The following BLNK variants were observed in gnomAD, a reference collection of about 807,000 sequenced individuals.
BLNK encodes B cell linker, also known as B-cell linker protein.
A neutral mutation model predicts 73.5 loss-of-function variants in BLNK; 29 were observed. The observed-to-expected ratio is 0.39, with a 90% CI of 0.29 to 0.54. BLNK has a LOEUF of 0.54. Among genes scored for constraint, BLNK ranks in the 20% least tolerant of loss-of-function variants. The pLI, the probability that BLNK is intolerant of heterozygous loss-of-function variation, is 0.61. For synonymous variants in BLNK, 176 were observed against 200.8 expected, an observed-to-expected ratio of 0.88 and a Z score of 1.04; for missense variants, 460 against 562.8, an observed-to-expected ratio of 0.82 and a Z score of 1.85.
Position 96,195,353 on chromosome 10 carries a change from T to G in BLNK, c.1251+1555A>C, listed in dbSNP as rs76184603. On this transcript the variant is annotated intron_variant, in intron 16 of 16. Coordinates refer to ENST00000224337, the MANE Select transcript of BLNK (RefSeq NM_013314.4). ...TTGAAAGCAGTGTCCTGGAGAGATT[T>G]GCACACCCGTGTTTATAGCAGCACT... is the stretch of plus-strand genomic sequence containing the variant. Among the ~76,000 whole-genome samples, 7 of 152,324 alleles carry G rather than the reference T, an allele frequency of 4.6e-5. No homozygotes were observed. In the East Asian group the frequency reaches 1.3e-3, roughly 29 times the overall value.
At chr10:96,233,976 G>C (rs1487994877) in intron 3 of BLNK, among the ~76,000 whole-genome samples, 4 of 152,202 alleles carry the variant, frequency 2.6e-5, no homozygotes, top group Non-Finnish European at 5.9e-5. Flanking sequence ...TGTTATAAAA[G>C]TGTATTCTTA....
At position 96,223,852 on chromosome 10, in the gene BLNK, T is replaced by G. The variant is rs1554901766; in HGVS notation, c.499A>C (p.Lys167Gln). Reference protein sequence around the residue: ...TALQKPQVPPKPKGLLEDEAD... With the variant: ...TALQKPQVPPQPKGLLEDEAD... Reference sequence around the variant, plus strand: ...TCATCCTCAAGGAGGCCTTTGGGTTTGGGTGGGACTTGAGGTTTCTGCAAA... The same window carrying G: ...TCATCCTCAAGGAGGCCTTTGGGTTGGGGTGGGACTTGAGGTTTCTGCAAA... The change falls in exon 6 of 17, where the codon AAA (lysine) becomes CAA (glutamine). Residue 167 changes from lysine to glutamine, a missense_variant. Physicochemically the swap from Lys to Gln is moderately conservative, Grantham distance 53. Transcript: ENST00000224337. 6.2e-7 allele frequency: 1 copy of G among 1,613,876 alleles called. No individual in the cohort carries two copies. The highest frequency in any genetic ancestry group is 2.2e-5 in the East Asian group (1 of 44,874).
intron 11 of BLNK, among the ~76,000 whole-genome samples, chr10:96,206,160 C>T (rs1288067831): frequency 6.6e-6 from 1 of 152,138 alleles, no homozygotes; most frequent in Non-Finnish European, 1.5e-5. Flanking sequence ...GATCCACTGT[C>T]CATCATCAGA....
chr10:96,242,084 T>C (rs587690015), intron 3 of BLNK, among the ~76,000 whole-genome samples: 15 of 152,288 alleles, frequency 9.8e-5, no homozygotes, highest in Middle Eastern at 3.4e-3. Flanking sequence ...TCATCTTGCA[T>C]TGTAGCTCCC....
chr10:96,214,829 C>T (rs916596309), intron 8 of BLNK, among the ~76,000 whole-genome samples: 1 of 152,172 alleles, frequency 6.6e-6, no homozygotes, highest in Non-Finnish European at 1.5e-5. Flanking sequence ...TTCGCATTCA[C>T]ATTTGCAGAA....
At chr10:96,222,084 T>C (rs1023753117) in intron 6 of BLNK, among the ~76,000 whole-genome samples, 2 of 152,206 alleles carry the variant, frequency 1.3e-5, no homozygotes, top group Non-Finnish European at 2.9e-5. Flanking sequence ...ATCCGACATA[T>C]ATTAAACCCC....
At chr10:96,217,413 T>C (rs782447622) in intron 6 of BLNK, among the ~76,000 whole-genome samples, 1 of 152,216 alleles carries the variant, frequency 6.6e-6, no homozygotes, top group Non-Finnish European at 1.5e-5. Flanking sequence ...GCTGCACCAT[T>C]TTTCATTCCT....
intron 13 of BLNK, among the ~76,000 whole-genome samples, chr10:96,201,868 T>C (rs893296686): frequency 6.6e-6 from 1 of 152,116 alleles, no homozygotes; most frequent in Non-Finnish European, 1.5e-5. Flanking sequence ...TTTAATGGAT[T>C]GAGATGGGCA....
At chr10:96,263,060 G>T (rs1437927373) in intron 1 of BLNK, among the ~76,000 whole-genome samples, 1 of 152,224 alleles carries the variant, frequency 6.6e-6, no homozygotes, top group Non-Finnish European at 1.5e-5. Flanking sequence ...GGAAGCCTGT[G>T]TCTCTGCACA....
chr10:96,217,099 T>A (rs1169889898), intron 6 of BLNK, among the ~76,000 whole-genome samples: 1 of 152,184 alleles, frequency 6.6e-6, no homozygotes, highest in African/African-American at 2.4e-5. Flanking sequence ...CTTCTTTCAC[T>A]TAGTATAATG....
intron 8 of BLNK, among the ~76,000 whole-genome samples, chr10:96,211,676 G>T (rs1343772230): frequency 6.6e-6 from 1 of 152,140 alleles, no homozygotes; most frequent in Non-Finnish European, 1.5e-5. Flanking sequence ...TGTCTTCCAC[G>T]GTACCTGAAC....
In BLNK at chr10:96,191,169, T is replaced by C. The variant is rs1488475670; in HGVS notation, c.*804A>G. Reference sequence around the variant, plus strand: ...ACCATGTAAAACATGCCTTTGCTTCTTCTTTGCCTTCTGCCATGATTGTGA... The same window carrying C: ...ACCATGTAAAACATGCCTTTGCTTCCTCTTTGCCTTCTGCCATGATTGTGA... On this transcript the variant is annotated 3_prime_UTR_variant, in exon 17 of 17. Coordinates refer to ENST00000224337, the MANE Select transcript of BLNK (RefSeq NM_013314.4). Among the ~76,000 whole-genome samples, 1 of 151,984 alleles carries C rather than the reference T, an allele frequency of 6.6e-6. No individual in the cohort carries two copies.
intron 1 of BLNK, among the ~76,000 whole-genome samples, chr10:96,259,626 G>A (rs1337584925): frequency 3.7e-5 from 5 of 133,368 alleles, no homozygotes; most frequent in East Asian, 4.4e-4. Flanking sequence ...CTTATTAACC[G>A]TATAAAGTAA....
At chr10:96,237,121 T>G (rs1174979382) in intron 3 of BLNK, among the ~76,000 whole-genome samples, 3 of 152,224 alleles carry the variant, frequency 2.0e-5, no homozygotes, top group Non-Finnish European at 4.4e-5. Flanking sequence ...AGGACTGATG[T>G]TGGATATAGC....
In BLNK at chr10:96,189,939, T is replaced by G; in HGVS notation, c.*2034A>C. The stretch of plus-strand genomic sequence containing the variant: ...TTCAACCATAAAAGCACTGGTGGTG[T>G]TATTTCAAAGACCCCAAGGGAAACT... On this transcript the variant is annotated 3_prime_UTR_variant, in exon 17 of 17. Transcript: ENST00000224337. The G allele has an allele frequency of 1.0e-6, 1 of 959,172 alleles. No homozygotes were observed. The highest frequency in any genetic ancestry group is 2.4e-5 in the East Asian group (1 of 42,014). The allele number at this position is 959,172 out of a possible 1,614,324, so 59.4% of individuals were successfully genotyped here. A position where few individuals can be genotyped will look rare whatever the true frequency, so the allele number is the denominator to read the frequency against.
intron 2 of BLNK, 46 bp downstream of exon 2, chr10:96,246,938 T>C: frequency 7.1e-7 from 1 of 1,408,254 alleles, no homozygotes; most frequent in Non-Finnish European, 9.9e-7. Context: ...GTAGCACATG[T>C]TGACTTATTT....
At chr10:96,197,171 A>G in intron 15 of BLNK, 108 bp from the exon 16 acceptor site, 1 of 797,240 alleles carries the variant, frequency 1.3e-6, no homozygotes, top group Non-Finnish European at 1.9e-6. Context: ...CCAAAGGTAA[A>G]TTATTTAGCT....
intron 1 of BLNK, among the ~76,000 whole-genome samples, chr10:96,253,840 C>A (rs1214673898): frequency 6.6e-6 from 1 of 151,644 alleles, no homozygotes; most frequent in Non-Finnish European, 1.5e-5. Context: ...ACGGTGAAAC[C>A]CCATCTCTAC....
chr10:96,239,839 C>A (rs1358715875), intron 3 of BLNK, among the ~76,000 whole-genome samples: 1 of 152,070 alleles, frequency 6.6e-6, no homozygotes, highest in Non-Finnish European at 1.5e-5. Context: ...GATCAGCAGG[C>A]AGACAGGTGA....
Sources: gnomAD v4.1 joint callset for allele counts (sites outside exome capture counted in the v4.1 genomes callset) on GRCh38, gnomAD v4.1.1 for gene constraint, MANE v1.5 for transcripts, NCBI Gene and HGNC (gene_info 2026-07-23, HGNC 2026-07-21) for gene names.